SNX29: variants seen among roughly 807,000 people sequenced by gnomAD.
SNX29 encodes sorting nexin-29.
Under a neutral mutation model 102.1 loss-of-function variants are expected in SNX29, and 78 were observed. The ratio of observed to expected loss-of-function variants is 0.76; its 90% confidence interval spans 0.64 to 0.92. The LOEUF is 0.92. Ranked by LOEUF, SNX29 falls within the 40% of genes least tolerant of loss-of-function variation. The pLI is 0.00. For missense variants in SNX29, 1,280 were observed against 1,061.7 expected, an observed-to-expected ratio of 1.21 and a Z score of -2.86; for synonymous variants, 580 against 414.5, an observed-to-expected ratio of 1.40 and a Z score of -4.85.
intron 11 of SNX29, among the ~76,000 whole-genome samples, chr16:12,080,479 C>T (rs1368369799): frequency 6.6e-6 from 1 of 152,102 alleles, no homozygotes; most frequent in Non-Finnish European, 1.5e-5. Context: ...CTGCTTTTCA[C>T]CTGTCAATCT....
intron 20 of SNX29, among the ~76,000 whole-genome samples, chr16:12,545,918 G>A (rs551714177): frequency 9.2e-5 from 14 of 152,222 alleles, no homozygotes; most frequent in East Asian, 7.7e-4. Context: ...CTAGGTGTTC[G>A]GGGCTATTAA....
chr16:12,403,127 A>G (rs1013337175), intron 17 of SNX29, among the ~76,000 whole-genome samples: 2 of 151,934 alleles, frequency 1.3e-5, no homozygotes, highest in African/African-American at 4.8e-5. Flanking sequence ...TGAGGTTCAG[A>G]TACATTATGG....
intron 18 of SNX29, among the ~76,000 whole-genome samples, chr16:12,407,553 G>C (rs527325281): frequency 4.6e-5 from 7 of 152,284 alleles, no homozygotes; most frequent in African/African-American, 1.4e-4. Flanking sequence ...CACTATAAAG[G>C]AACAGATAGA....
intron 20 of SNX29, chr16:12,557,479 A>C (rs1318832425): frequency 6.6e-6 from 1 of 152,154 alleles, no homozygotes; most frequent in Non-Finnish European, 1.5e-5. Flanking sequence ...CTCCTGCTTC[A>C]GCCTCTTAAG....
At chr16:12,057,615 A>T (rs1029662148) in intron 8 of SNX29, among the ~76,000 whole-genome samples, 1 of 152,148 alleles carries the variant, frequency 6.6e-6, no homozygotes, top group Non-Finnish European at 1.5e-5. Context: ...CAAAGTTCTT[A>T]TTCAGAGAAG....
intron 18 of SNX29, among the ~76,000 whole-genome samples, chr16:12,449,062 G>A (rs2086188881): frequency 6.6e-6 from 1 of 152,078 alleles, no homozygotes; most frequent in South Asian, 2.1e-4. Context: ...TGCTGGATAT[G>A]GTGCCCAAAA....
At chr16:12,027,292 G>T (rs747366853) in intron 3 of SNX29, 28 bp from the exon 4 acceptor site, 13 of 1,612,310 alleles carry the variant, frequency 8.1e-6, no homozygotes, top group Middle Eastern at 3.3e-4. Flanking sequence ...TTTCTGGGGG[G>T]ACTGATGAGT....
intron 13 of SNX29, among the ~76,000 whole-genome samples, chr16:12,156,870 G>A (rs543979763): frequency 1.3e-5 from 2 of 152,302 alleles, no homozygotes; most frequent in South Asian, 4.1e-4. Context: ...TCGGGTGTGT[G>A]TAGATGCATG....
intron 11 of SNX29, among the ~76,000 whole-genome samples, chr16:12,106,647 T>TG (rs2053260944): frequency 9.2e-6 from 1 of 108,306 alleles, no homozygotes; most frequent in Non-Finnish European, 1.8e-5. Flanking sequence ...CTCATTTTTC[T>TG]ATTTTTTTTT....
At chr16:11,980,500 A>T (rs1436197745) in intron 1 of SNX29, among the ~76,000 whole-genome samples, 1 of 152,174 alleles carries the variant, frequency 6.6e-6, no homozygotes, top group Non-Finnish European at 1.5e-5. Context: ...TGTGGGGGCA[A>T]GTCTCTTCAT....
intron 16 of SNX29, among the ~76,000 whole-genome samples, chr16:12,388,089 C>A (rs771461174): frequency 2.6e-5 from 4 of 152,236 alleles, no homozygotes; most frequent in Non-Finnish European, 5.9e-5. Context: ...CTTCTCTTCC[C>A]TTTCGAGGCA....
At position 12,310,065 on chromosome 16, in the gene SNX29, C is replaced by T. The variant is rs1041741759; in HGVS notation, c.1782+32029C>T. ...ACACATATGTACACACACGCATGCACGCACATACATACACATGTGCACACA... is the reference window on the plus strand; with the variant it reads ...ACACATATGTACACACACGCATGCATGCACATACATACACATGTGCACACA... On this transcript the variant is annotated intron_variant, in intron 15 of 20. Transcript: ENST00000566228. Among the ~76,000 whole-genome samples the T allele has an allele frequency of 2.0e-4, 30 of 152,098 alleles. No individual in the cohort carries two copies. The South Asian group carries it at 2.7e-3, about 14-fold the overall frequency.
intron 18 of SNX29, among the ~76,000 whole-genome samples, chr16:12,405,509 A>T (rs992606145): frequency 4.6e-5 from 7 of 152,210 alleles, no homozygotes. Context: ...GGCCTTCTGC[A>T]GCCTTCCTGA....
intron 20 of SNX29, among the ~76,000 whole-genome samples, chr16:12,559,153 C>A (rs966823397): frequency 6.6e-6 from 1 of 152,098 alleles, no homozygotes. Context: ...AACCCCTGGC[C>A]CAGTACCAGT....
intron 13 of SNX29, among the ~76,000 whole-genome samples, chr16:12,158,353 C>G (rs995438370): frequency 1.3e-5 from 2 of 152,114 alleles, no homozygotes; most frequent in East Asian, 1.9e-4. Context: ...ACGTGCGCCA[C>G]CACACCCGGC....
intron 16 of SNX29, among the ~76,000 whole-genome samples, chr16:12,358,343 G>A (rs955144345): frequency 1.3e-5 from 2 of 152,158 alleles, no homozygotes; most frequent in Non-Finnish European, 2.9e-5. Context: ...CAGAAGAAGG[G>A]CAGATCACTT....
intron 8 of SNX29, chr16:12,053,240 TGCCATTGCACTCCA>T (rs2050378939): frequency 6.9e-6 from 1 of 144,216 alleles, no homozygotes; most frequent in Non-Finnish European, 1.5e-5. Context: ...GCCAAGATGA[TGCCATTGCACTCCA>T]GCCTGGGCAA....
At chr16:12,175,359 C>G (rs760059613) in intron 13 of SNX29, among the ~76,000 whole-genome samples, 15 of 152,020 alleles carry the variant, frequency 9.9e-5, no homozygotes, top group Non-Finnish European at 1.6e-4. Context: ...AAGTGGGGGG[C>G]TGGCCGGGCA....
intron 14 of SNX29, among the ~76,000 whole-genome samples, chr16:12,231,460 G>T (rs1284786824): frequency 6.6e-6 from 1 of 151,952 alleles, no homozygotes; most frequent in African/African-American, 2.4e-5. Flanking sequence ...GCTGTAATTT[G>T]TAACAACTGT....
Sources: gnomAD v4.1 joint callset for allele counts (sites outside exome capture counted in the v4.1 genomes callset) on GRCh38, gnomAD v4.1.1 for gene constraint, MANE v1.5 for transcripts, NCBI Gene and HGNC (gene_info 2026-07-23, HGNC 2026-07-21) for gene names.